ARHGAP15: variants seen among roughly 807,000 people sequenced by gnomAD.
ARHGAP15 encodes the protein rho GTPase-activating protein 15.
A neutral mutation model predicts 63.7 loss-of-function variants in ARHGAP15; 51 were observed. That is an observed-to-expected ratio of 0.80 (90% confidence interval 0.64 to 1.01). The LOEUF (loss-of-function observed/expected upper bound fraction) is 1.01. ARHGAP15 is among the 50% of genes least tolerant of loss of function. ARHGAP15 has a pLI of 0.00. For missense variants in ARHGAP15, 560 were observed against 564.6 expected, an observed-to-expected ratio of 0.99 and a Z score of 0.08; for synonymous variants, 191 against 193.8, an observed-to-expected ratio of 0.99 and a Z score of 0.12.
intron 6 of ARHGAP15, among the ~76,000 whole-genome samples, chr2:143,358,491 A>T (rs1196074199): frequency 6.6e-6 from 1 of 151,988 alleles, no homozygotes; most frequent in Non-Finnish European, 1.5e-5. Context: ...AATATATTTA[A>T]AATAAAATAT....
intron 9 of ARHGAP15, among the ~76,000 whole-genome samples, chr2:143,504,198 C>T (rs1014399983): frequency 6.6e-6 from 1 of 152,176 alleles, no homozygotes; most frequent in Admixed American, 6.5e-5. Flanking sequence ...TGCACAATCC[C>T]AGGCTTAGGA....
At chr2:143,410,285 T>C (rs1574408239) in intron 6 of ARHGAP15, among the ~76,000 whole-genome samples, 1 of 152,196 alleles carries the variant, frequency 6.6e-6, no homozygotes. Flanking sequence ...TGAAGATCCA[T>C]GTGATGTTTC....
chr2:143,541,083 T>C (rs1265893335), intron 10 of ARHGAP15, among the ~76,000 whole-genome samples: 1 of 152,206 alleles, frequency 6.6e-6, no homozygotes, highest in African/African-American at 2.4e-5. Context: ...TTTCTTTTTA[T>C]TCTTTTTTCT....
At chr2:143,288,802 G>C (rs547723893) in intron 6 of ARHGAP15, among the ~76,000 whole-genome samples, 1 of 151,576 alleles carries the variant, frequency 6.6e-6, no homozygotes, top group African/African-American at 2.4e-5. Flanking sequence ...CTTTGTTCTC[G>C]GGGGAATACA....
intron 6 of ARHGAP15, among the ~76,000 whole-genome samples, chr2:143,400,337 C>T (rs1687936903): frequency 6.6e-6 from 1 of 151,856 alleles, no homozygotes; most frequent in Non-Finnish European, 1.5e-5. Flanking sequence ...GAGGAGTTTG[C>T]ACTTCAAACT....
At chr2:143,245,089 T>C (rs1176239829) in intron 5 of ARHGAP15, among the ~76,000 whole-genome samples, 1 of 152,108 alleles carries the variant, frequency 6.6e-6, no homozygotes, top group Non-Finnish European at 1.5e-5. Context: ...TTCTGACACA[T>C]CAGAGGGAGC....
At chr2:143,577,900 G>A (rs1464686654) in intron 11 of ARHGAP15, among the ~76,000 whole-genome samples, 1 of 152,130 alleles carries the variant, frequency 6.6e-6, no homozygotes, top group African/African-American at 2.4e-5. Context: ...TCTCTACAAC[G>A]AGTAAGTGAA....
chr2:143,248,845 G>A (rs1346879294), intron 5 of ARHGAP15, among the ~76,000 whole-genome samples: 4 of 152,106 alleles, frequency 2.6e-5, no homozygotes. Context: ...TTGTACGTAG[G>A]TAAGTACCTG....
intron 12 of ARHGAP15, among the ~76,000 whole-genome samples, chr2:143,700,546 C>G (rs1387266609): frequency 3.3e-5 from 5 of 152,056 alleles, no homozygotes; most frequent in Non-Finnish European, 5.9e-5. Context: ...TTCTCCTCCT[C>G]TCTCCTCTCC....
At chr2:143,689,772 A>T (rs1170323754) in intron 12 of ARHGAP15, among the ~76,000 whole-genome samples, 6 of 152,210 alleles carry the variant, frequency 3.9e-5, no homozygotes, top group Non-Finnish European at 2.9e-5. Flanking sequence ...GAATTTTGCC[A>T]GTCTCCACCC....
At chr2:143,502,081 T>G (rs928337454) in intron 9 of ARHGAP15, among the ~76,000 whole-genome samples, 9 of 152,218 alleles carry the variant, frequency 5.9e-5, no homozygotes, top group Non-Finnish European at 1.0e-4. Context: ...ACACAAGACA[T>G]GGGATCTGAG....
chr2:143,689,199 T>A (rs1683483859), intron 12 of ARHGAP15, among the ~76,000 whole-genome samples: 1 of 152,194 alleles, frequency 6.6e-6, no homozygotes, highest in Admixed American at 6.5e-5. Flanking sequence ...AGTAACAATT[T>A]GAACTTCAGT....
chr2:143,331,699 G>GA (rs1399919429), intron 6 of ARHGAP15, among the ~76,000 whole-genome samples: 4 of 152,034 alleles, frequency 2.6e-5, no homozygotes, highest in Non-Finnish European at 5.9e-5. Flanking sequence ...AGGTACATGA[G>GA]AAAAAAATTG....
chr2:143,694,126 A>G (rs1683738320), intron 12 of ARHGAP15, among the ~76,000 whole-genome samples: 1 of 152,208 alleles, frequency 6.6e-6, no homozygotes, highest in East Asian at 1.9e-4. Flanking sequence ...TACATCTGCC[A>G]TATATGTGGT....
At chr2:143,221,593 C>A (rs1198472780) in intron 4 of ARHGAP15, among the ~76,000 whole-genome samples, 1 of 152,144 alleles carries the variant, frequency 6.6e-6, no homozygotes, top group African/African-American at 2.4e-5. Flanking sequence ...CTCTATGACA[C>A]CTTAGTAAAA....
intron 8 of ARHGAP15, among the ~76,000 whole-genome samples, chr2:143,470,527 T>TAC (rs1491443472): frequency 1.1e-5 from 1 of 95,136 alleles, no homozygotes; most frequent in Admixed American, 1.3e-4. Context: ...TCTTTTGTTT[T>TAC]ATATATATAT....
At chr2:143,530,122 G>T (rs2105012685) in intron 10 of ARHGAP15, among the ~76,000 whole-genome samples, 1 of 152,306 alleles carries the variant, frequency 6.6e-6, no homozygotes, top group South Asian at 2.1e-4. Context: ...TGACGATTCA[G>T]TGACCTGCTA....
rs76205191 is a variant in ARHGAP15, at chr2:143,355,266, C to T, written c.475-80335C>T. ...AATTCTCCATATATTTTTATTATGG[C>T]ACTGTATTATCTCAAGAAAACTGAA... On this transcript the variant is annotated intron_variant, in intron 6 of 13. Coordinates refer to ENST00000295095, the MANE Select transcript of ARHGAP15 (RefSeq NM_018460.4). Among the ~76,000 whole-genome samples the T allele has an allele frequency of 1.7e-4, 26 of 152,234 alleles. No homozygotes were observed. In the East Asian group the frequency reaches 4.4e-3, roughly 26 times the overall value.
At chr2:143,198,123 C>G (rs139102678) in intron 2 of ARHGAP15, among the ~76,000 whole-genome samples, 79 of 151,892 alleles carry the variant, frequency 5.2e-4, no homozygotes, top group African/African-American at 1.5e-3. Context: ...GTTTACACTT[C>G]GATACTTATA....
Sources: allele counts gnomAD v4.1 joint callset (sites outside exome capture counted in the v4.1 genomes callset), GRCh38; gene constraint gnomAD v4.1.1; transcripts MANE v1.5; gene names NCBI Gene and HGNC (gene_info 2026-07-23, HGNC 2026-07-21).